Variants in MLH3 observed in about 807,000 individuals in gnomAD.
MLH3 encodes mutL homolog 3.
Under a neutral mutation model 122.2 loss-of-function variants are expected in MLH3, and 82 were observed. The observed-to-expected ratio is 0.67, with a 90% CI of 0.56 to 0.81. MLH3 has a LOEUF of 0.81. Ranked by LOEUF, MLH3 falls within the 30% of genes least tolerant of loss-of-function variation. The pLI is 0.00. For missense variants in MLH3, 1,539 were observed against 1,714.5 expected, an observed-to-expected ratio of 0.90 and a Z score of 1.81; for synonymous variants, 524 against 599.5, an observed-to-expected ratio of 0.87 and a Z score of 1.84.
chr14:75,036,161 G>A (rs948520427), intron 6 of MLH3, among the ~76,000 whole-genome samples: 3 of 151,800 alleles, frequency 2.0e-5, no homozygotes, highest in Non-Finnish European at 4.4e-5. Flanking sequence ...CTCTTCTACC[G>A]AGCTCTTAAG....
chr14:75,031,995 G>T, intron 8 of MLH3, 73 bp downstream of exon 8: 2 of 998,702 alleles, frequency 2.0e-6, no homozygotes, highest in Non-Finnish European at 3.2e-6. Context: ...TGGAACAATA[G>T]TTATGCTTAT....
In MLH3 at chr14:75,030,595, T is replaced by C; in HGVS notation, c.3935A>G (p.Glu1312Gly). 1 of 1,614,124 alleles carries C rather than the reference T, an allele frequency of 6.2e-7. No individual in the cohort carries two copies. The highest frequency in any genetic ancestry group is 8.5e-7 in the Non-Finnish European group (1 of 1,179,966). Residue 1312 changes from glutamate (E) to glycine (G), a missense_variant, in exon 9 of 13, where the codon GAA becomes GGA. Transcript: ENST00000355774. ...GKVPLCFVER[E>G]ANELRRGRST... Reference sequence around the variant, plus strand: ...TCTTCCTCTCCGAAGTTCATTGGCTTCTCTTTCCACAAAACATAGTGGTAC... The same window carrying C: ...TCTTCCTCTCCGAAGTTCATTGGCTCCTCTTTCCACAAAACATAGTGGTAC...
rs754472226 is a variant in MLH3, at chr14:75,048,978, T to G, written c.678A>C (p.Ile226=). Residue 226 remains isoleucine (I), a synonymous_variant, in exon 2 of 13, where the codon ATA becomes ATC. Transcript: ENST00000355774. ...GLGKSQKLRE[I]SFKYKEFELS... ...GCTCAAACTCTTTATATTTAAAACTTATTTCTCTTAGCTTTTGGGACTTTC... is the reference window on the plus strand; with the variant it reads ...GCTCAAACTCTTTATATTTAAAACTGATTTCTCTTAGCTTTTGGGACTTTC... 3 of 1,613,838 alleles carry G rather than the reference T, an allele frequency of 1.9e-6. No individual in the cohort carries two copies. Among genetic ancestry groups the G allele is most frequent in the South Asian group, 2.2e-5 (2 of 90,970 alleles).
Position 75,046,549 on chromosome 14 carries a change from T to G in MLH3, c.3107A>C (p.Glu1036Ala). Residue 1036 changes from glutamate (E) to alanine (A), a missense_variant, in exon 2 of 13, where the codon GAG (glutamate) becomes GCG (alanine). Coordinates refer to ENST00000355774, the MANE Select transcript of MLH3 (RefSeq NM_001040108.2). ...SKARACSETE[E>A]SNTCCSDWQR... ...CCAATCTGAACAACACGTGTTTGACTCTTCAGTTTCAGAACAAGCTCTTGC... is the reference window on the plus strand; with the variant it reads ...CCAATCTGAACAACACGTGTTTGACGCTTCAGTTTCAGAACAAGCTCTTGC... The G allele has an allele frequency of 6.2e-7, 1 of 1,614,230 alleles. No individual in the cohort carries two copies. Among genetic ancestry groups the G allele is most frequent in the Non-Finnish European group, 8.5e-7 (1 of 1,180,036 alleles).
At chr14:75,022,730 C>T (rs1890365712) in intron 11 of MLH3, 84 bp downstream of exon 11, 2 of 1,109,156 alleles carry the variant, frequency 1.8e-6, no homozygotes, top group African/African-American at 3.1e-5. Context: ...GTAAATGTAC[C>T]CTCTGCCTCT....
intron 2 of MLH3, among the ~76,000 whole-genome samples, chr14:75,044,113 C>T (rs1892057283): frequency 6.6e-6 from 1 of 151,942 alleles, no homozygotes; most frequent in Non-Finnish European, 1.5e-5. Context: ...TGTCTTTTAA[C>T]AATTTATTTC....
intron 2 of MLH3, among the ~76,000 whole-genome samples, chr14:75,045,389 C>A (rs976037508): frequency 1.3e-5 from 2 of 152,190 alleles, no homozygotes; most frequent in Non-Finnish European, 2.9e-5. Context: ...ACCATAAACA[C>A]ATCAAGGAGA....
At chr14:75,041,520 T>C in intron 4 of MLH3, 95 bp downstream of exon 4, 1 of 944,880 alleles carries the variant, frequency 1.1e-6, no homozygotes, top group Admixed American at 1.9e-5. Flanking sequence ...TGCATTTCAG[T>C]CTGGGCAACA....
chr14:75,049,854 C>T (rs1483812378), intron 1 of MLH3, 136 bp from the exon 2 acceptor site: 3 of 639,482 alleles, frequency 4.7e-6, no homozygotes, highest in Admixed American at 5.0e-5. Context: ...CAAAGTTATA[C>T]CGCTGATCTC....
rs2139558647 is a variant in MLH3 at position 75,047,002 on chromosome 14, C to T, written c.2654G>A (p.Arg885Lys). ...SKLSRLKGSERETQTMGMMSR... is the reference protein window; with the variant it reads ...SKLSRLKGSEKETQTMGMMSR... ...CATCATCCCCATTGTTTGAGTTTCTCTTTCGGAACCCTTCAGTCTGGATAA... is the reference window on the plus strand; with the variant it reads ...CATCATCCCCATTGTTTGAGTTTCTTTTTCGGAACCCTTCAGTCTGGATAA... Residue 885 changes from arginine (R) to lysine (K), a missense_variant, in exon 2 of 13, where the codon AGA becomes AAA. Arg to Lys is a conservative substitution (Grantham distance 26). Coordinates refer to ENST00000355774, the MANE Select transcript of MLH3 (RefSeq NM_001040108.2). The T allele has an allele frequency of 1.9e-6, 3 of 1,614,192 alleles. No individual in the cohort carries two copies. The South Asian group carries it at 3.3e-5, about 18-fold the overall frequency.
chr14:75,037,679 G>A (rs776233073), intron 6 of MLH3, among the ~76,000 whole-genome samples: 10 of 152,060 alleles, frequency 6.6e-5, no homozygotes, highest in Non-Finnish European at 1.0e-4. Flanking sequence ...TGGGCTGGGC[G>A]TGGTGGCTTA....
chr14:75,048,013 T>C lies in MLH3; in HGVS notation c.1643A>G (p.Gln548Arg), dbSNP rs1270533441. ...ATCTTTAAATCTCTTTGGTTGATTC[T>C]GAATTCTATTATTTTTCAAGATGTT... ...AANILKNNRI[Q>R]NQPKRFKDAT... The change falls in exon 2 of 13, where the codon CAG becomes CGG. Residue 548 changes from glutamine (Q) to arginine (R), a missense_variant. Transcript: ENST00000355774. 1 of 1,613,756 alleles carries C rather than the reference T, an allele frequency of 6.2e-7. No homozygotes were observed. Among genetic ancestry groups the C allele is most frequent in the Admixed American group, 1.7e-5 (1 of 59,974 alleles).
Position 75,032,109 on chromosome 14 carries a change from C to CG in MLH3, c.3785dup (p.Leu1263AlafsTer26), listed in dbSNP as rs755570771. On this transcript the variant is annotated frameshift_variant, in exon 8 of 13. Coordinates refer to ENST00000355774, the MANE Select transcript of MLH3 (RefSeq NM_001040108.2). LOFTEE classifies it high-confidence loss of function. ...GTTCCTCTGTCACTGTTATCTCTAG[C>CG]GGAGGAATTAGAGTAGAAGACAGTA... The CG allele has an allele frequency of 6.2e-7, 1 of 1,613,548 alleles. No individual in the cohort carries two copies. Among genetic ancestry groups the CG allele is most frequent in the Non-Finnish European group, 8.5e-7 (1 of 1,179,664 alleles).
Position 75,039,882 on chromosome 14 carries a change from T to TA in MLH3, c.3570+28_3570+29insT, listed in dbSNP as rs777236904. 1,409 of 603,698 alleles carry TA rather than the reference T, an allele frequency of 2.3e-3. 10 individuals carry two copies. The highest frequency in any genetic ancestry group is 3.3e-3 in the Non-Finnish European group (1,119 of 339,230). The allele number at this position is 603,698 out of a possible 1,614,324, so 37.4% of individuals were successfully genotyped here. On this transcript the variant is annotated intron_variant, in intron 5 of 12. Coordinates refer to ENST00000355774, the MANE Select transcript of MLH3 (RefSeq NM_001040108.2). ...ATATATATATATATATATATATATA[T>TA]TTATGAGATTTTGAAGTTAATCTTT... is the stretch of plus-strand genomic sequence containing the variant.
chr14:75,016,988 A>T lies in MLH3; in HGVS notation c.*94T>A. 6.8e-7 allele frequency: 1 copy of T among 1,477,592 alleles called. No homozygotes were observed. The highest frequency in any genetic ancestry group is 9.4e-7 in the Non-Finnish European group (1 of 1,061,718). The allele number at this position is 1,477,592 out of a possible 1,614,324, so 91.5% of individuals were successfully genotyped here. On this transcript the variant is annotated 3_prime_UTR_variant, in exon 13 of 13. Coordinates refer to ENST00000355774, the MANE Select transcript of MLH3 (RefSeq NM_001040108.2). ...CTGCTCAGGGACACTGGGCTGATTC[A>T]GTCAGGGCCGTGCTGGTACCTGCTG...
Position 75,047,893 on chromosome 14 carries a change from C to T in MLH3, c.1763G>A (p.Ser588Asn), listed in dbSNP as rs775820783. 6.2e-7 allele frequency: 1 copy of T among 1,613,352 alleles called. No individual in the cohort carries two copies. Residue 588 changes from serine to asparagine, a missense_variant, in exon 2 of 13, where the codon AGC (serine) becomes AAC (asparagine). Ser to Asn is a conservative substitution (Grantham distance 46). Coordinates refer to ENST00000355774, the MANE Select transcript of MLH3 (RefSeq NM_001040108.2). ...QTEKEKKKES[S>N]NCGRRNVFSY... ...AAAAACATTTCTTCTTCCACAATTG[C>T]TAGATTCTTTTTTTTTCTCTTTCTC... is the stretch of plus-strand genomic sequence containing the variant.
intron 6 of MLH3, among the ~76,000 whole-genome samples, chr14:75,034,928 T>TG (rs1227402792): frequency 6.6e-6 from 1 of 151,670 alleles, no homozygotes; most frequent in Non-Finnish European, 1.5e-5. Flanking sequence ...CCGGGCGTGG[T>TG]GGCAGGTGCC....
intron 12 of MLH3, among the ~76,000 whole-genome samples, chr14:75,017,627 T>A (rs1159571056): frequency 6.6e-6 from 1 of 152,226 alleles, no homozygotes; most frequent in Non-Finnish European, 1.5e-5. Flanking sequence ...AACTTCTGGA[T>A]TCAATAGAGA....
At position 75,039,945 on chromosome 14, in the gene MLH3, T is replaced by TA. The variant is rs779782149; in HGVS notation, c.3535dup (p.Tyr1179LeufsTer19). ...ATGAATCATTCCTTTGGTGAAACGA[T>TA]AGGGATACAAGATGTTGTGAATTTT... On this transcript the variant is annotated frameshift_variant, in exon 5 of 13. Transcript: ENST00000355774. LOFTEE classifies it high-confidence loss of function. 7 of 1,587,608 alleles carry TA rather than the reference T, an allele frequency of 4.4e-6. No individual in the cohort carries two copies. In the South Asian group the frequency reaches 7.7e-5, roughly 18 times the overall value.
Sources: gnomAD v4.1 joint callset for allele counts (sites outside exome capture counted in the v4.1 genomes callset) on GRCh38, gnomAD v4.1.1 for gene constraint, MANE v1.5 for transcripts, NCBI Gene and HGNC (gene_info 2026-07-23, HGNC 2026-07-21) for gene names.